Variants in DENND5A observed in about 807,000 individuals in gnomAD.
DENND5A encodes the protein DENN domain containing 5A.
Under a neutral mutation model 140.3 loss-of-function variants are expected in DENND5A, and 64 were observed. That is an observed-to-expected ratio of 0.46 (90% CI 0.37 to 0.56). The LOEUF (loss-of-function observed/expected upper bound fraction) is 0.56. Ranked by LOEUF, DENND5A falls within the 20% of genes least tolerant of loss-of-function variation. The pLI is 0.00. For missense variants in DENND5A, 1,292 were observed against 1,593.8 expected (o/e 0.81, Z 3.22); for synonymous variants, 605 against 607.7 (o/e 1.00, Z 0.07).
chr11:9,200,540 C>A (rs1401187824), intron 4 of DENND5A, among the ~76,000 whole-genome samples: 1 of 152,214 alleles, frequency 6.6e-6, no homozygotes, highest in Non-Finnish European at 1.5e-5. Flanking sequence ...TGTAAAAAAT[C>A]TGGGTCCTCA....
At chr11:9,205,001 T>A (rs375203317) in intron 3 of DENND5A, among the ~76,000 whole-genome samples, 2 of 152,214 alleles carry the variant, frequency 1.3e-5, no homozygotes, top group Non-Finnish European at 2.9e-5. Context: ...CATGACAGCA[T>A]GACAGAGAGT....
At chr11:9,191,283 G>A (rs1190245318) in intron 5 of DENND5A, among the ~76,000 whole-genome samples, 1 of 152,020 alleles carries the variant, frequency 6.6e-6, no homozygotes, top group Non-Finnish European at 1.5e-5. Context: ...GATCCACCCA[G>A]GTTGGAGTGC....
At chr11:9,237,645 G>C (rs965123619) in intron 1 of DENND5A, among the ~76,000 whole-genome samples, 15 of 152,130 alleles carry the variant, frequency 9.9e-5, no homozygotes, top group African/African-American at 3.4e-4. Flanking sequence ...CAGCACTTTG[G>C]GAGGCCGAGG....
chr11:9,184,180 G>A (rs950108100), intron 5 of DENND5A, among the ~76,000 whole-genome samples: 10 of 151,890 alleles, frequency 6.6e-5, no homozygotes, highest in Non-Finnish European at 1.2e-4. Flanking sequence ...GTGAAACCCT[G>A]TCTCTACTAA....
Position 9,142,020 on chromosome 11 carries a change from T to A in DENND5A, c.3600A>T (p.Arg1200=). The change falls in exon 22 of 23, where the codon CGA becomes CGT. Residue 1200 remains arginine, a synonymous_variant. Transcript: ENST00000328194. ...NWHTRARNFC[R]FVTAINNTPR... ...GAGTATTGTTGATTGCAGTGACAAA[T>A]CGGCAGAAGTTCCGGGCTCTTGTAT... The A allele has an allele frequency of 6.2e-7, 1 of 1,606,238 alleles. No homozygotes were observed. The highest frequency in any genetic ancestry group is 8.5e-7 in the Non-Finnish European group (1 of 1,176,614).
chr11:9,193,777 C>A (rs1849224976), intron 4 of DENND5A, 96 bp from the exon 5 acceptor site: 11 of 1,084,630 alleles, frequency 1.0e-5, no homozygotes, highest in Non-Finnish European at 1.3e-5. Flanking sequence ...AGTACAATTT[C>A]TTATTTAGAA....
chr11:9,231,715 CAAAAAA>C (rs71062818), intron 1 of DENND5A, among the ~76,000 whole-genome samples: 4 of 78,956 alleles, frequency 5.1e-5, no homozygotes, highest in Non-Finnish European at 9.5e-5. Flanking sequence ...AACTCCGTCT[CAAAAAA>C]AAAAAAAAAA....
rs371021941 is a variant in DENND5A at position 9,178,238 on chromosome 11, T to C, written c.1800A>G (p.Val600=). Reference sequence around the variant, plus strand: ...CAACTCGGGAATCAAATACCCGGAGTACAGGGTCTTTATCATCATCATCAT... The same window carrying C: ...CAACTCGGGAATCAAATACCCGGAGCACAGGGTCTTTATCATCATCATCAT... ...MCHDDDDKDP[V]LRVFDSRVDK... The change falls in exon 8 of 23, where the codon GTA becomes GTG. Residue 600 remains valine, a synonymous_variant. Transcript: ENST00000328194. The C allele has an allele frequency of 1.9e-6, 3 of 1,613,288 alleles. No homozygotes were observed. In the East Asian group the frequency reaches 6.7e-5, roughly 36 times the overall value.
At chr11:9,168,104 T>TTTTTTC (rs1848250143) in intron 10 of DENND5A, among the ~76,000 whole-genome samples, 1 of 152,160 alleles carries the variant, frequency 6.6e-6, no homozygotes, top group African/African-American at 2.4e-5. Flanking sequence ...TTTTTTTTTT[T>TTTTTTC]TTGTCTTTAG....
intron 10 of DENND5A, among the ~76,000 whole-genome samples, chr11:9,169,369 C>G (rs2136155281): frequency 6.6e-6 from 1 of 152,138 alleles, no homozygotes; most frequent in South Asian, 2.1e-4. Flanking sequence ...TTGCTTGAAC[C>G]CAGGAGATGG....
intron 1 of DENND5A, among the ~76,000 whole-genome samples, chr11:9,260,149 A>G (rs1852133922): frequency 6.6e-6 from 1 of 151,928 alleles, no homozygotes; most frequent in Non-Finnish European, 1.5e-5. Context: ...CTTCTCTTCA[A>G]TTCCTGGCAA....
chr11:9,243,879 C>T (rs1446903825), intron 1 of DENND5A, among the ~76,000 whole-genome samples: 1 of 152,126 alleles, frequency 6.6e-6, no homozygotes, highest in Non-Finnish European at 1.5e-5. Context: ...GAACGAGACT[C>T]CATCTCACAC....
At chr11:9,199,701 T>C (rs750664795) in intron 4 of DENND5A, among the ~76,000 whole-genome samples, 1 of 152,214 alleles carries the variant, frequency 6.6e-6, no homozygotes, top group African/African-American at 2.4e-5. Flanking sequence ...TGCATTCCTT[T>C]TCCCTATGTA....
intron 1 of DENND5A, among the ~76,000 whole-genome samples, chr11:9,227,514 T>C (rs547454926): frequency 6.6e-6 from 1 of 152,318 alleles, no homozygotes; most frequent in African/African-American, 2.4e-5. Context: ...CTCATCCAGA[T>C]GAAGCTGGGA....
chr11:9,248,334 A>C (rs7936147), intron 1 of DENND5A, among the ~76,000 whole-genome samples: 6,431 of 151,946 alleles, frequency 0.042, 454 homozygotes, highest in African/African-American at 0.15. Flanking sequence ...TATGATCTCC[A>C]TTTTAACATT....
At chr11:9,261,578 G>A (rs1852199969) in intron 1 of DENND5A, among the ~76,000 whole-genome samples, 1 of 151,984 alleles carries the variant, frequency 6.6e-6, no homozygotes, top group South Asian at 2.1e-4. Context: ...AAGAATTCAA[G>A]ACCAGCCTGG....
At chr11:9,150,378 T>A (rs567998128) in intron 14 of DENND5A, among the ~76,000 whole-genome samples, 169 bp from the exon 15 acceptor site, 2 of 152,308 alleles carry the variant, frequency 1.3e-5, no homozygotes, top group East Asian at 3.9e-4. Flanking sequence ...CTTTACCAGA[T>A]AGGCTCACCA....
chr11:9,169,825 G>T, intron 10 of DENND5A, 31 bp downstream of exon 10: 1 of 1,269,640 alleles, frequency 7.9e-7, no homozygotes, highest in Non-Finnish European at 1.2e-6. Flanking sequence ...ATGATAGCAA[G>T]GTCATCCTTA....
At chr11:9,258,267 C>A (rs1852036406) in intron 1 of DENND5A, among the ~76,000 whole-genome samples, 4 of 151,848 alleles carry the variant, frequency 2.6e-5, no homozygotes, top group Admixed American at 2.6e-4. Flanking sequence ...TAATGTTATC[C>A]CTCCCCTAGT....
Sources: allele counts gnomAD v4.1 joint callset (sites outside exome capture counted in the v4.1 genomes callset), GRCh38; gene constraint gnomAD v4.1.1; transcripts MANE v1.5; gene names NCBI Gene and HGNC (gene_info 2026-07-23, HGNC 2026-07-21).